SLC4A5: variants seen among roughly 807,000 people sequenced by gnomAD.
The protein encoded by SLC4A5 is solute carrier family 4 member 5, also known as electrogenic sodium bicarbonate cotransporter 4.
In SLC4A5, 96 loss-of-function variants were observed where a neutral mutation model predicts 120.4. The ratio of observed to expected loss-of-function variants is 0.80; its 90% CI spans 0.68 to 0.94. SLC4A5 has a LOEUF of 0.94. SLC4A5 is among the 40% of genes least tolerant of loss of function. The probability of loss-of-function intolerance (pLI) is 0.00; values close to 1 mark genes in which losing one functional copy is unlikely to be tolerated. For missense variants in SLC4A5, 1,259 were observed against 1,459.5 expected, an observed-to-expected ratio of 0.86 and a Z score of 2.24; for synonymous variants, 550 against 571.1, an observed-to-expected ratio of 0.96 and a Z score of 0.53.
intron 2 of SLC4A5, among the ~76,000 whole-genome samples, chr2:74,341,043 G>A (rs1408492698): frequency 5.3e-5 from 8 of 152,166 alleles, no homozygotes; most frequent in Non-Finnish European, 1.0e-4. Flanking sequence ...AGTGGCTCAC[G>A]CCTGTAATCT....
At chr2:74,302,713 A>G (rs1672510598) in intron 7 of SLC4A5, among the ~76,000 whole-genome samples, 1 of 152,342 alleles carries the variant, frequency 6.6e-6, no homozygotes, top group African/African-American at 2.4e-5. Context: ...CACCAAAGCA[A>G]TGTCAAATCC....
At chr2:74,321,205 C>T (rs1296845367) in intron 5 of SLC4A5, among the ~76,000 whole-genome samples, 1 of 152,100 alleles carries the variant, frequency 6.6e-6, no homozygotes, top group African/African-American at 2.4e-5. Context: ...TCCCTGATGC[C>T]CATTCCCCTT....
At chr2:74,217,571 A>C (rs1195800144) in exon 31 of SLC4A5, 1 of 152,228 alleles carries the variant, frequency 6.6e-6, no homozygotes, top group Non-Finnish European at 1.5e-5. Flanking sequence ...ACCCACCCAA[A>C]TGTATCATGA....
At chr2:74,250,373 C>T in exon 17 of SLC4A5, 4 of 1,613,948 alleles carry the variant, frequency 2.5e-6, no homozygotes, top group Non-Finnish European at 3.4e-6. Flanking sequence ...CCCCCAGAAG[C>T]CCACCAAAGG....
chr2:74,276,882 A>C (rs1447570749), intron 8 of SLC4A5, among the ~76,000 whole-genome samples: 1 of 151,992 alleles, frequency 6.6e-6, no homozygotes. Flanking sequence ...GGATGTGAAC[A>C]TGGAAGCTGA....
intron 8 of SLC4A5, among the ~76,000 whole-genome samples, chr2:74,285,362 G>GT (rs925621778): frequency 9.9e-5 from 15 of 152,182 alleles, no homozygotes; most frequent in African/African-American, 3.6e-4. Flanking sequence ...CAAAAATACA[G>GT]TATTCATGGG....
At chr2:74,292,324 C>T (rs548280097) in intron 7 of SLC4A5, among the ~76,000 whole-genome samples, 1 of 152,294 alleles carries the variant, frequency 6.6e-6, no homozygotes, top group Admixed American at 6.5e-5. Flanking sequence ...TTCTAGACTC[C>T]ATGCTCCTCC....
intron 29 of SLC4A5, among the ~76,000 whole-genome samples, chr2:74,221,841 G>A (rs938648383): frequency 2.6e-5 from 4 of 152,138 alleles, no homozygotes; most frequent in African/African-American, 9.7e-5. Context: ...GTCTTTGAGG[G>A]TGGCAAGCCC....
At chr2:74,253,598 C>T (rs1437324285) in intron 14 of SLC4A5, among the ~76,000 whole-genome samples, 1 of 151,718 alleles carries the variant, frequency 6.6e-6, no homozygotes, top group East Asian at 1.9e-4. Flanking sequence ...AACCCTTTCC[C>T]ATTTAGGCAA....
rs1671267147 is a variant in SLC4A5, at chr2:74,265,268, G to A, written c.402-4C>T. ...CTTTTCTTCAAACTTTATCCACCTG[G>A]AAGGGTAAGGATGGGGCTCAGTGTG... On this transcript the variant is annotated splice_polypyrimidine_tract_variant and splice_region_variant and intron_variant, in intron 8 of 30. Coordinates refer to ENST00000394019, the Ensembl canonical transcript of SLC4A5. 5.6e-6 allele frequency: 9 copies of A among 1,613,456 alleles called. No individual in the cohort carries two copies. In the South Asian group the frequency reaches 7.7e-5, roughly 14 times the overall value.
Position 74,255,833 on chromosome 2 carries a change from C to T in SLC4A5, c.967G>A (p.Val323Met), listed in dbSNP as rs775388402. The change falls in exon 13 of 31, where the codon GTG becomes ATG. Residue 323 changes from valine (V) to methionine (M), a missense_variant. Coordinates refer to ENST00000394019, the Ensembl canonical transcript of SLC4A5. This position sits in a 1 kb window ranked among gnomAD's most constrained non-coding sequence, Gnocchi z 4.0. ...AGCATGGCCGACTGGATGAGGCGCACGAACGCGATGAATGGCTGGTCTAGG... is the reference window on the plus strand; with the variant it reads ...AGCATGGCCGACTGGATGAGGCGCATGAACGCGATGAATGGCTGGTCTAGG... 7.4e-6 allele frequency: 12 copies of T among 1,614,020 alleles called. No individual in the cohort carries two copies. The highest frequency in any genetic ancestry group is 4.5e-5 in the East Asian group (2 of 44,882).
chr2:74,266,514 C>T (rs1348205286), intron 8 of SLC4A5, among the ~76,000 whole-genome samples: 1 of 152,116 alleles, frequency 6.6e-6, no homozygotes, highest in Non-Finnish European at 1.5e-5. Context: ...AGTGATCAGC[C>T]CACCTTGGCC....
intron 8 of SLC4A5, among the ~76,000 whole-genome samples, chr2:74,271,589 A>G (rs556767817): frequency 1.3e-5 from 2 of 152,202 alleles, no homozygotes; most frequent in African/African-American, 4.8e-5. Flanking sequence ...GGTATATAAC[A>G]AATGCCAAAT....
intron 12 of SLC4A5, 103 bp from the exon 13 acceptor site, chr2:74,256,035 C>T (rs1257644632): frequency 3.9e-6 from 5 of 1,273,932 alleles, no homozygotes; most frequent in African/African-American, 1.5e-5. Context: ...AAAAAATTCT[C>T]CCAATGTTGC....
chr2:74,337,684 C>T (rs1404579682), intron 3 of SLC4A5, among the ~76,000 whole-genome samples: 7 of 152,186 alleles, frequency 4.6e-5, no homozygotes, highest in Admixed American at 4.6e-4. Context: ...ATTCGCAGGG[C>T]TCAGCACATA....
chr2:74,237,219 G>A lies in SLC4A5; in HGVS notation c.2320-2005C>T, dbSNP rs557790694. 2.6e-5 allele frequency among the ~76,000 whole-genome samples: 4 copies of A among 152,162 alleles called. No homozygotes were observed. The South Asian group carries it at 6.2e-4, about 24-fold the overall frequency. On this transcript the variant is annotated intron_variant, in intron 21 of 30. Transcript: ENST00000394019. Reference sequence around the variant, plus strand: ...TCTCGATCTCCTGCCTTCGTGATCCGCCTGCCTGGGCCTCCCAAAGTGCTG... The same window carrying A: ...TCTCGATCTCCTGCCTTCGTGATCCACCTGCCTGGGCCTCCCAAAGTGCTG...
intron 3 of SLC4A5, among the ~76,000 whole-genome samples, chr2:74,337,991 GGAGCCTCTGGAGGGCA>G (rs1673536842): frequency 6.6e-6 from 1 of 152,206 alleles, no homozygotes; most frequent in Non-Finnish European, 1.5e-5. Flanking sequence ...CGCCTGACAT[GGAGCCTCTGGAGGGCA>G]GAGAACCTCA....
intron 24 of SLC4A5, 88 bp downstream of exon 24, chr2:74,232,381 A>G (rs1670118588): frequency 6.7e-7 from 1 of 1,501,998 alleles, no homozygotes; most frequent in African/African-American, 1.4e-5. Flanking sequence ...CTTTTTGTCC[A>G]AATCCTTTTG....
At chr2:74,276,235 A>C (rs554129532) in intron 8 of SLC4A5, among the ~76,000 whole-genome samples, 1 of 152,112 alleles carries the variant, frequency 6.6e-6, no homozygotes, top group South Asian at 2.1e-4. Flanking sequence ...AAAGCCTAAA[A>C]TATTTTCTGT....
Sources: allele counts gnomAD v4.1 joint callset (sites outside exome capture counted in the v4.1 genomes callset), GRCh38; gene constraint gnomAD v4.1.1; non-coding constraint Gnocchi (gnomAD v3.1); transcripts MANE v1.5; gene names NCBI Gene and HGNC (gene_info 2026-07-23, HGNC 2026-07-21).